Variants in PDXDC1 observed in about 807,000 individuals in gnomAD.
PDXDC1 encodes the protein pyridoxal-dependent decarboxylase domain-containing protein 1.
In PDXDC1, 42 loss-of-function variants were observed where a neutral mutation model predicts 100.1. That is an observed-to-expected ratio of 0.42 (90% CI 0.33 to 0.54). PDXDC1 has a LOEUF of 0.54. Ranked by LOEUF, PDXDC1 falls within the 20% of genes least tolerant of loss-of-function variation. PDXDC1 has a pLI of 0.10. For missense variants in PDXDC1, 636 were observed against 979.2 expected, an observed-to-expected ratio of 0.65 and a Z score of 4.68; for synonymous variants, 260 against 371.7, an observed-to-expected ratio of 0.70 and a Z score of 3.46.
intron 16 of PDXDC1, among the ~76,000 whole-genome samples, chr16:15,086,630 A>C (rs1293454900): frequency 9.2e-5 from 14 of 152,240 alleles, no homozygotes. Context: ...AAATTACTTA[A>C]CTGTTTTAAG....
At chr16:15,014,556 A>G (rs2041636215) in intron 8 of PDXDC1, among the ~76,000 whole-genome samples, 1 of 152,298 alleles carries the variant, frequency 6.6e-6, no homozygotes, top group African/African-American at 2.4e-5. Flanking sequence ...TTTCAGCTAA[A>G]CTAAATGTGT....
the PDXDC1 span, among the ~76,000 whole-genome samples, chr16:15,150,209 T>C: frequency 4.0e-5 from 6 of 151,802 alleles, no homozygotes; most frequent in African/African-American, 1.5e-4. Context: ...CTGGGCATGG[T>C]GGCGGGCACC....
chr16:15,032,668 A>AAAAAAAAAAAAAAACAAAG, intron 17 of PDXDC1, 193 bp from the exon 18 acceptor site: 1 of 374,106 alleles, frequency 2.7e-6, no homozygotes, highest in South Asian at 3.5e-5. Flanking sequence ...AAAAAAAAAA[A>AAAAAAAAAAAAAAACAAAG]AGGCTTTCCT....
At position 15,004,518 on chromosome 16, in the gene PDXDC1, G is replaced by A. The variant is rs562485671; in HGVS notation, c.389+185G>A. ...GTATTAATACCTATTTCATAGAAGC[G>A]TTGTGAGGATTAAATGAGCTAATGG... On this transcript the variant is annotated intron_variant, in intron 5 of 22. Coordinates refer to ENST00000396410, the MANE Select transcript of PDXDC1 (RefSeq NM_015027.4). Among the ~76,000 whole-genome samples, 11 of 152,398 alleles carry A rather than the reference G, an allele frequency of 7.2e-5. No individual in the cohort carries two copies. The East Asian group carries it at 9.6e-4, about 13-fold the overall frequency.
chr16:15,037,492 G>A lies in PDXDC1; in HGVS notation c.*1217G>A, dbSNP rs1264057646. On this transcript the variant is annotated 3_prime_UTR_variant, in exon 23 of 23. Transcript: ENST00000396410. ...CAAAATGCAGGGGGTTTTTTTTGGT[G>A]CAGATGATTAAACAGTCTTCCCTAT... 6.6e-6 allele frequency: 1 copy of A among 152,198 alleles called. No homozygotes were observed. Among genetic ancestry groups the A allele is most frequent in the East Asian group, 1.9e-4 (1 of 5,194 alleles). The allele number at this position is 152,198 out of a possible 1,614,324, so 9.4% of individuals were successfully genotyped here. A position where few individuals can be genotyped will look rare whatever the true frequency, so the allele number is the denominator to read the frequency against.
intron 16 of PDXDC1, among the ~76,000 whole-genome samples, chr16:15,057,555 A>G (rs1169839032): frequency 6.6e-6 from 1 of 152,230 alleles, no homozygotes; most frequent in Non-Finnish European, 1.5e-5. Flanking sequence ...AACTCATTCT[A>G]ATGCAGGTGA....
chr16:15,023,667 A>G (rs1220266152), intron 13 of PDXDC1, among the ~76,000 whole-genome samples: 2 of 152,266 alleles, frequency 1.3e-5, no homozygotes, highest in African/African-American at 4.8e-5. Flanking sequence ...GGAAGAAAAA[A>G]AAATGCATGG....
Position 15,085,525 on chromosome 16 carries a change from C to T in PDXDC1, c.1400-53354C>T, listed in dbSNP as rs898431877. The T allele has an allele frequency of 1.2e-5, 18 of 1,467,386 alleles. 1 individual carries two copies. In the Admixed American group the frequency reaches 1.8e-4, roughly 15 times the overall value. 90.9% of individuals were successfully genotyped at this position (1,467,386 alleles called of 1,614,324 possible). A position where few individuals can be genotyped will look rare whatever the true frequency, so the allele number is the denominator to read the frequency against. On this transcript the variant is annotated intron_variant, in intron 16 of 16. Coordinates refer to the PDXDC1 transcript ENST00000535621. The stretch of plus-strand genomic sequence containing the variant: ...CAGAGACAAGGTCTCACTATGTTGC[C>T]CAGGCTGGTCTCAAACTCTTGGCCT...
At chr16:15,069,112 T>C (rs577783837) in intron 16 of PDXDC1, among the ~76,000 whole-genome samples, 3 of 152,306 alleles carry the variant, frequency 2.0e-5, no homozygotes, top group African/African-American at 4.8e-5. Flanking sequence ...ACATATATAA[T>C]GCAACACATA....
rs760172748 is a variant in PDXDC1, at chr16:15,038,210, T to G, written c.*1935T>G. 3.7e-6 allele frequency: 6 copies of G among 1,611,470 alleles called. No individual in the cohort carries two copies. The African/African-American group carries it at 8.0e-5, about 22-fold the overall frequency. On this transcript the variant is annotated 3_prime_UTR_variant, in exon 23 of 23. Coordinates refer to ENST00000396410, the MANE Select transcript of PDXDC1 (RefSeq NM_015027.4). ...TCAGCCAGAGGCGAAGTGGAAAGAT[T>G]CTGAAAACACAAGATGGTGGGCATT...
At chr16:15,089,237 G>A (rs2046023685) in intron 16 of PDXDC1, among the ~76,000 whole-genome samples, 1 of 152,038 alleles carries the variant, frequency 6.6e-6, no homozygotes. Flanking sequence ...GTTGCAGTGA[G>A]CCAAGATCAT....
chr16:15,081,563 T>G (rs1205559753), intron 16 of PDXDC1, among the ~76,000 whole-genome samples: 2 of 152,210 alleles, frequency 1.3e-5, no homozygotes, highest in African/African-American at 4.8e-5. Flanking sequence ...ATAAGAGTTC[T>G]TTACATATAC....
intron 16 of PDXDC1, chr16:15,104,675 C>T (rs745694565): frequency 3.3e-5 from 53 of 1,597,584 alleles, no homozygotes; most frequent in East Asian, 1.3e-4. Flanking sequence ...GGTGGCCCAT[C>T]CTGTTTTTTA....
chr16:15,060,972 C>T (rs1436335557), intron 16 of PDXDC1: 1 of 152,232 alleles, frequency 6.6e-6, no homozygotes, highest in Admixed American at 6.5e-5. Flanking sequence ...TACACAAGCC[C>T]GAACTCACTT....
At chr16:14,989,651 CCCGGGGCCGG>C (rs1970248441) in intron 1 of PDXDC1, 2 of 1,574,930 alleles carry the variant, frequency 1.3e-6, no homozygotes, top group Admixed American at 1.9e-5. Context: ...CGGAGGCGGG[CCCGGGGCCGG>C]CGGCCACGGG....
chr16:15,143,658 C>T (rs2048508807), downstream of PDXDC1, among the ~76,000 whole-genome samples: 1 of 152,216 alleles, frequency 6.6e-6, no homozygotes, highest in African/African-American at 2.4e-5. Context: ...CACAGGCGCT[C>T]CTGGGCCGGG....
At chr16:15,100,853 G>C (rs553336662) in intron 16 of PDXDC1, among the ~76,000 whole-genome samples, 17 of 152,202 alleles carry the variant, frequency 1.1e-4, no homozygotes, top group African/African-American at 4.1e-4. Flanking sequence ...CATAGTGTTG[G>C]TGTGCACCTG....
intron 12 of PDXDC1, among the ~76,000 whole-genome samples, chr16:15,020,054 G>A (rs2042066040): frequency 2.1e-5 from 3 of 145,536 alleles, no homozygotes; most frequent in South Asian, 4.5e-4. Context: ...AGAGCTTGCA[G>A]TGAGCCGAGA....
intron 21 of PDXDC1, 96 bp downstream of exon 21, chr16:15,034,649 T>C (rs1023124085): frequency 6.7e-6 from 6 of 890,376 alleles, no homozygotes; most frequent in Non-Finnish European, 1.1e-5. Context: ...AATCCCGCCC[T>C]GGTTCCCGTT....
Sources: allele counts gnomAD v4.1 joint callset (sites outside exome capture counted in the v4.1 genomes callset), GRCh38; gene constraint gnomAD v4.1.1; transcripts MANE v1.5; gene names NCBI Gene and HGNC (gene_info 2026-07-23, HGNC 2026-07-21).